The following SNPH variants were observed in gnomAD, a reference collection of about 807,000 sequenced individuals.
SNPH encodes syntaphilin.
Under a neutral mutation model 36.8 loss-of-function variants are expected in SNPH, and 10 were observed. The observed-to-expected ratio is 0.27, with a 90% CI of 0.17 to 0.46. SNPH has a LOEUF of 0.46. Among genes scored for constraint, SNPH ranks in the 20% least tolerant of loss-of-function variants. SNPH has a pLI of 1.00. For missense variants in SNPH, 622 were observed against 744.0 expected, an observed-to-expected ratio of 0.84 and a Z score of 1.91; for synonymous variants, 281 against 312.2, an observed-to-expected ratio of 0.90 and a Z score of 1.05.
At chr20:1,300,761 C>T in intron 6 of SNPH, 50 bp downstream of exon 6, 1 of 1,555,378 alleles carries the variant, frequency 6.4e-7, no homozygotes, top group African/African-American at 1.4e-5. Flanking sequence ...CAGCTCCACA[C>T]TCAGGGAAAC....
chr20:1,266,658 C>G lies in SNPH; in HGVS notation c.-595C>G. ...CTCTTTTTCCTAACCCCGCAGGTCG[C>G]TGATCAGGGCCAGGCGGCTGCAGCA... is the stretch of plus-strand genomic sequence containing the variant. On this transcript the variant is annotated 5_prime_UTR_variant, in exon 2 of 7. Coordinates refer to ENST00000381867, the MANE Select transcript of SNPH (RefSeq NM_001318234.2). This position sits in a 1 kb window ranked among gnomAD's most constrained non-coding sequence, Gnocchi z 6.0. The G allele has an allele frequency of 6.7e-7, 1 of 1,489,210 alleles. No homozygotes were observed. Among genetic ancestry groups the G allele is most frequent in the Non-Finnish European group, 8.9e-7 (1 of 1,122,162 alleles). 92.2% of individuals were successfully genotyped at this position (1,489,210 alleles called of 1,614,324 possible).
chr20:1,273,344 C>T (rs1016808154), intron 2 of SNPH, among the ~76,000 whole-genome samples: 3 of 152,224 alleles, frequency 2.0e-5, no homozygotes, highest in African/African-American at 4.8e-5. Context: ...TGACAGTTCA[C>T]ATTTTTTGTG....
intron 2 of SNPH, among the ~76,000 whole-genome samples, chr20:1,271,160 G>A (rs1198171173): frequency 1.3e-5 from 2 of 152,228 alleles, no homozygotes; most frequent in Non-Finnish European, 2.9e-5. Flanking sequence ...ACAGCAGGAA[G>A]AGCCAGCACC....
At chr20:1,279,621 T>C (rs1398904184) in intron 2 of SNPH, among the ~76,000 whole-genome samples, 4 of 147,490 alleles carry the variant, frequency 2.7e-5, no homozygotes, top group Admixed American at 6.7e-5. Flanking sequence ...CCGGCTTCTT[T>C]TTTTTTTTTT....
At chr20:1,274,728 A>T (rs1317731952) in intron 2 of SNPH, among the ~76,000 whole-genome samples, 1 of 152,216 alleles carries the variant, frequency 6.6e-6, no homozygotes, top group African/African-American at 2.4e-5. Flanking sequence ...TGAGCTCTCT[A>T]GTCTGGCTAG....
In SNPH at chr20:1,294,799, G is replaced by T. The variant is rs1394708443; in HGVS notation, c.-492-152G>T. Among the ~76,000 whole-genome samples the T allele has an allele frequency of 6.6e-6, 1 of 152,170 alleles. No individual in the cohort carries two copies. The highest frequency in any genetic ancestry group is 1.9e-4 in the East Asian group (1 of 5,180). The stretch of plus-strand genomic sequence containing the variant: ...TGGTCCCCGGGCCAGAGACTCTGGG[G>T]TTTGAGATCCAGCCCCTCAGCATCT... On this transcript the variant is annotated intron_variant, in intron 2 of 6. Transcript: ENST00000381867. This position sits in a 1 kb window ranked among gnomAD's most constrained non-coding sequence, Gnocchi z 4.4.
At chr20:1,282,716 CTTGG>C (rs143382975) in intron 2 of SNPH, among the ~76,000 whole-genome samples, 27,334 of 151,984 alleles carry the variant, frequency 0.18, 3,054 homozygotes, top group East Asian at 0.5. Flanking sequence ...GTCTCTGGGC[CTTGG>C]TTTATAACAT....
intron 2 of SNPH, among the ~76,000 whole-genome samples, chr20:1,270,242 A>G (rs141359996): frequency 2.0e-5 from 3 of 152,348 alleles, no homozygotes; most frequent in South Asian, 4.1e-4. Flanking sequence ...CATGCAGGAA[A>G]GAGTAAATTG....
At chr20:1,288,613 CTTTTTCTT>C (rs1281188317) in intron 2 of SNPH, among the ~76,000 whole-genome samples, 6 of 148,206 alleles carry the variant, frequency 4.0e-5, no homozygotes, top group Non-Finnish European at 7.5e-5. Context: ...TGAGGAATTT[CTTTTTCTT>C]TTTTTCTTTT....
Position 1,304,229 on chromosome 20 carries a change from C to T in SNPH, c.441-649C>T, listed in dbSNP as rs1320181626. ...TACAAAGATACAAAGAAGCTTCTAGCATGGATAGATGAGAGCCACCCTGTT... is the reference window on the plus strand; with the variant it reads ...TACAAAGATACAAAGAAGCTTCTAGTATGGATAGATGAGAGCCACCCTGTT... On this transcript the variant is annotated intron_variant, in intron 6 of 6. Transcript: ENST00000381867. This position sits in a 1 kb window ranked among gnomAD's most constrained non-coding sequence, Gnocchi z 4.3. Among the ~76,000 whole-genome samples the T allele has an allele frequency of 6.6e-6, 1 of 152,158 alleles. No individual in the cohort carries two copies. Among genetic ancestry groups the T allele is most frequent in the Non-Finnish European group, 1.5e-5 (1 of 68,038 alleles).
intron 2 of SNPH, among the ~76,000 whole-genome samples, chr20:1,278,753 G>A: frequency 6.6e-6 from 1 of 151,958 alleles, no homozygotes; most frequent in Admixed American, 6.6e-5. Context: ...GTGCGATCTT[G>A]GCTCACTGCA....
rs1202672841 is a variant in SNPH at position 1,297,153 on chromosome 20, C to A, written c.191C>A (p.Ser64Tyr). 14 of 1,613,020 alleles carry A rather than the reference C, an allele frequency of 8.7e-6. No homozygotes were observed. The highest frequency in any genetic ancestry group is 1.2e-5 in the Non-Finnish European group (14 of 1,179,634). Residue 64 changes from serine (S) to tyrosine (Y), a missense_variant, in exon 5 of 7, where the codon TCT (serine) becomes TAT (tyrosine). This residue lies in a region of SNPH where 187 missense variants were observed against 209.4 expected (regional missense o/e 0.89). Coordinates refer to ENST00000381867, the MANE Select transcript of SNPH (RefSeq NM_001318234.2). ...RTSAGSRRRT[S>Y]PPVSVRDAYG... The stretch of plus-strand genomic sequence containing the variant: ...CTTCTTCCTGCCTCCAGGCGCACCT[C>A]TCCACCTGTGAGCGTGCGGGATGCC...
At chr20:1,274,213 A>G (rs2088105015) in intron 2 of SNPH, among the ~76,000 whole-genome samples, 2 of 152,160 alleles carry the variant, frequency 1.3e-5, no homozygotes, top group Non-Finnish European at 2.9e-5. Context: ...ACAGGATAGC[A>G]GTTTTCAGGG....
Position 1,297,196 on chromosome 20 carries a change from C to T in SNPH, c.234C>T (p.Leu78=). ...SVRDAYGTSS[L]SSSSNSGSYK... The stretch of plus-strand genomic sequence containing the variant: ...GGGATGCCTACGGCACCTCTTCGCT[C>T]AGCAGCAGCAGCAATTCTGGCTCCT... Residue 78 remains leucine, a synonymous_variant, in exon 5 of 7, where the codon CTC becomes CTT. Coordinates refer to ENST00000381867, the MANE Select transcript of SNPH (RefSeq NM_001318234.2). The T allele has an allele frequency of 6.2e-7, 1 of 1,612,342 alleles. No individual in the cohort carries two copies. The highest frequency in any genetic ancestry group is 8.5e-7 in the Non-Finnish European group (1 of 1,179,124).
chr20:1,280,561 C>G (rs2088204726), intron 2 of SNPH, among the ~76,000 whole-genome samples: 1 of 152,196 alleles, frequency 6.6e-6, no homozygotes, highest in South Asian at 2.1e-4. Flanking sequence ...GTGTTATCTC[C>G]ACTTTATACA....
intron 2 of SNPH, among the ~76,000 whole-genome samples, chr20:1,287,763 C>T (rs1430644636): frequency 6.6e-6 from 1 of 152,212 alleles, no homozygotes; most frequent in African/African-American, 2.4e-5. Flanking sequence ...CCATTTTCCT[C>T]ATCCTGTGAT....
At chr20:1,268,167 A>G (rs998766896) in intron 2 of SNPH, among the ~76,000 whole-genome samples, 14 of 152,224 alleles carry the variant, frequency 9.2e-5, no homozygotes, top group African/African-American at 2.7e-4. Flanking sequence ...GCAGGCAGCA[A>G]CATTTCCACT....
At position 1,293,015 on chromosome 20, in the gene SNPH, CT is replaced by C. The variant is rs140098230; in HGVS notation, c.-492-1935del. On this transcript the variant is annotated intron_variant, in intron 2 of 6. Transcript: ENST00000381867. ...TGTTTATTGTGTGATAGGCACTGAC[CT>C]AAGCCCCATACTCACATTATTTTAT... is the stretch of plus-strand genomic sequence containing the variant. 1.8e-3 allele frequency among the ~76,000 whole-genome samples: 281 copies of C among 152,332 alleles called. 1 individual carries two copies. The highest frequency in any genetic ancestry group is 3.2e-3 in the Non-Finnish European group (219 of 68,034).
intron 2 of SNPH, among the ~76,000 whole-genome samples, chr20:1,291,220 C>G (rs1173012898): frequency 1.3e-5 from 2 of 152,190 alleles, no homozygotes; most frequent in Admixed American, 6.5e-5. Context: ...AGCATTTGGC[C>G]AAGTTGTGGG....
Sources: allele counts gnomAD v4.1 joint callset (sites outside exome capture counted in the v4.1 genomes callset), GRCh38; gene constraint gnomAD v4.1.1; regional missense constraint gnomAD v4.1.1; non-coding constraint Gnocchi (gnomAD v3.1); transcripts MANE v1.5; gene names NCBI Gene and HGNC (gene_info 2026-07-23, HGNC 2026-07-21).